SNX29: variants seen among roughly 807,000 people sequenced by gnomAD.
The protein encoded by SNX29 is sorting nexin-29.
In SNX29, 78 loss-of-function variants were observed where a neutral mutation model predicts 102.1. That is an observed-to-expected ratio of 0.76 (90% CI 0.64 to 0.92). SNX29 has a LOEUF of 0.92. Among genes scored for constraint, SNX29 ranks in the 40% least tolerant of loss-of-function variants. The pLI is 0.00. For missense variants in SNX29, 1,280 were observed against 1,061.7 expected (o/e 1.21, Z -2.86); for synonymous variants, 580 against 414.5 (o/e 1.40, Z -4.85).
intron 20 of SNX29, among the ~76,000 whole-genome samples, chr16:12,543,619 C>T (rs1046160813): frequency 1.3e-5 from 2 of 151,858 alleles, no homozygotes; most frequent in Admixed American, 6.6e-5. Context: ...GTGGGCAGTG[C>T]CCCAGTGCTC....
chr16:12,507,798 G>T (rs1267904515), intron 19 of SNX29, among the ~76,000 whole-genome samples: 1 of 152,072 alleles, frequency 6.6e-6, no homozygotes, highest in Non-Finnish European at 1.5e-5. Flanking sequence ...CCTTATCCAT[G>T]TGGTTTGCAT....
At chr16:12,522,521 G>A (rs1319099679) in intron 19 of SNX29, among the ~76,000 whole-genome samples, 1 of 152,164 alleles carries the variant, frequency 6.6e-6, no homozygotes, top group African/African-American at 2.4e-5. Flanking sequence ...TGTTAGAGGT[G>A]GGGCCTGGTG....
intron 14 of SNX29, among the ~76,000 whole-genome samples, chr16:12,236,504 T>G (rs941638949): frequency 8.5e-5 from 13 of 152,234 alleles, no homozygotes; most frequent in African/African-American, 3.1e-4. Flanking sequence ...CCACTACGTC[T>G]TCTCTGTTGC....
At chr16:12,543,954 A>ATC (rs2077465425) in intron 20 of SNX29, among the ~76,000 whole-genome samples, 1 of 152,194 alleles carries the variant, frequency 6.6e-6, no homozygotes, top group South Asian at 2.1e-4. Flanking sequence ...CGAGGAGCCT[A>ATC]TCTGCTGGGA....
chr16:12,336,018 A>G (rs2081437374), intron 15 of SNX29, among the ~76,000 whole-genome samples: 1 of 152,166 alleles, frequency 6.6e-6, no homozygotes, highest in East Asian at 1.9e-4. Context: ...TGTGTTTGTG[A>G]CAACGGCCCA....
At chr16:12,031,744 G>A (rs1389302722) in intron 4 of SNX29, among the ~76,000 whole-genome samples, 1 of 152,088 alleles carries the variant, frequency 6.6e-6, no homozygotes, top group Non-Finnish European at 1.5e-5. Flanking sequence ...GGCGGAGCTT[G>A]CAGTGAGCCG....
rs149490127 is a variant in SNX29 at position 12,051,987 on chromosome 16, G to A, written c.889G>A (p.Asp297Asn). The A allele has an allele frequency of 2.1e-5, 34 of 1,613,790 alleles. No individual in the cohort carries two copies. Among genetic ancestry groups the A allele is most frequent in the Admixed American group, 3.3e-5 (2 of 59,992 alleles). Residue 297 changes from aspartate to asparagine, a missense_variant, in exon 8 of 21, where the codon GAC becomes AAC. Transcript: ENST00000566228. ...AGGGGAGAGCTCAGAGGACAACTCC[G>A]ACCGCTCCTCTGTCAATATCATGTC... is the stretch of plus-strand genomic sequence containing the variant. Reference protein sequence around the residue: ...GAGESSEDNSDRSSVNIMSAF... With the variant: ...GAGESSEDNSNRSSVNIMSAF...
At chr16:12,053,664 G>GTTT (rs75991516) in intron 8 of SNX29, among the ~76,000 whole-genome samples, 1 of 146,966 alleles carries the variant, frequency 6.8e-6, no homozygotes, top group Non-Finnish European at 1.5e-5. Context: ...CAATATTAGG[G>GTTT]TTTTTTTTTT....
In SNX29 at chr16:12,569,032, C is replaced by A; in HGVS notation, c.*403C>A. The A allele has an allele frequency of 4.2e-6, 1 of 240,808 alleles. No homozygotes were observed. Among genetic ancestry groups the A allele is most frequent in the African/African-American group, 2.2e-5 (1 of 45,106 alleles). The allele number at this position is 240,808 out of a possible 1,614,324, so 14.9% of individuals were successfully genotyped here. ...TTCATGCAGAGCCAGCCTCTCCACT[C>A]TTTCCCACGTGGGGACTAGAATGAC... On this transcript the variant is annotated 3_prime_UTR_variant, in exon 21 of 21. Coordinates refer to ENST00000566228, the MANE Select transcript of SNX29 (RefSeq NM_032167.5).
intron 20 of SNX29, among the ~76,000 whole-genome samples, chr16:12,563,462 T>A (rs575120586): frequency 7.2e-5 from 11 of 152,158 alleles, no homozygotes; most frequent in Non-Finnish European, 1.6e-4. Flanking sequence ...GGAAACCTAA[T>A]AGGGTAAAAG....
chr16:12,102,073 A>G (rs1339858280), intron 11 of SNX29, among the ~76,000 whole-genome samples: 5 of 152,200 alleles, frequency 3.3e-5, no homozygotes, highest in African/African-American at 9.6e-5. Flanking sequence ...AGCTTCATCC[A>G]TGTCCCTGCA....
intron 14 of SNX29, among the ~76,000 whole-genome samples, chr16:12,232,630 T>C (rs1187345721): frequency 2.0e-5 from 3 of 152,212 alleles, no homozygotes; most frequent in Non-Finnish European, 2.9e-5. Flanking sequence ...AGTGGAAACG[T>C]TGGGGAATCT....
In SNX29 at chr16:12,128,294, G is replaced by A. The variant is rs76435513; in HGVS notation, c.1467-1336G>A. Among the ~76,000 whole-genome samples, 1,013 of 152,192 alleles carry A rather than the reference G, an allele frequency of 6.7e-3. 15 individuals carry two copies. The highest frequency in any genetic ancestry group is 0.023 in the African/African-American group (961 of 41,534). ...AATAGTCACTGTCTGTTACTTTTTTGTACTTCCCAGAAAGAAAAGAAAAAT... is the reference window on the plus strand; with the variant it reads ...AATAGTCACTGTCTGTTACTTTTTTATACTTCCCAGAAAGAAAAGAAAAAT... On this transcript the variant is annotated intron_variant, in intron 12 of 20. Transcript: ENST00000566228.
At chr16:12,290,909 C>G (rs142256458) in intron 15 of SNX29, among the ~76,000 whole-genome samples, 19 of 152,288 alleles carry the variant, frequency 1.2e-4, no homozygotes, top group African/African-American at 4.3e-4. Context: ...CCCTGAGTCA[C>G]TGCTTGGAGG....
At chr16:12,161,735 C>T (rs891600404) in intron 13 of SNX29, among the ~76,000 whole-genome samples, 1 of 152,132 alleles carries the variant, frequency 6.6e-6, no homozygotes, top group Non-Finnish European at 1.5e-5. Context: ...GAACTGGTTA[C>T]TTAAAAAGAG....
chr16:12,420,478 A>G (rs1256333454), intron 18 of SNX29, among the ~76,000 whole-genome samples: 1 of 152,110 alleles, frequency 6.6e-6, no homozygotes, highest in African/African-American at 2.4e-5. Flanking sequence ...GGAGGAATCA[A>G]ACCTCTGCAG....
intron 1 of SNX29, among the ~76,000 whole-genome samples, chr16:11,980,011 G>A (rs189454828): frequency 6.6e-6 from 1 of 152,208 alleles, no homozygotes; most frequent in East Asian, 1.9e-4. Context: ...GTGCACATTG[G>A]TTTGTGTTTT....
intron 20 of SNX29, among the ~76,000 whole-genome samples, chr16:12,538,345 C>A (rs963789077): frequency 6.6e-6 from 1 of 152,156 alleles, no homozygotes; most frequent in Non-Finnish European, 1.5e-5. Context: ...TGGTCTCGGT[C>A]TTCCAAAGTG....
At chr16:12,078,365 C>T (rs948139986) in intron 10 of SNX29, among the ~76,000 whole-genome samples, 7 of 151,732 alleles carry the variant, frequency 4.6e-5, no homozygotes, top group African/African-American at 1.7e-4. Flanking sequence ...ATCCCAGCTA[C>T]TTGGGAGGCT....
Sources: allele counts gnomAD v4.1 joint callset (sites outside exome capture counted in the v4.1 genomes callset), GRCh38; gene constraint gnomAD v4.1.1; transcripts MANE v1.5; gene names NCBI Gene and HGNC (gene_info 2026-07-23, HGNC 2026-07-21).